ERAP1: variants seen among roughly 807,000 people sequenced by gnomAD.
ERAP1 encodes endoplasmic reticulum aminopeptidase 1.
In ERAP1, 86 loss-of-function variants were observed where a neutral mutation model predicts 103.7. That is an observed-to-expected ratio of 0.83 (90% CI 0.70 to 0.99). The LOEUF (loss-of-function observed/expected upper bound fraction) is 0.99, where lower values mean the gene tolerates loss of function less well. Ranked by LOEUF, ERAP1 falls within the 50% of genes least tolerant of loss-of-function variation. The pLI is 0.00. For missense variants in ERAP1, 1,009 were observed against 1,128.4 expected, an observed-to-expected ratio of 0.89 and a Z score of 1.52; for synonymous variants, 398 against 402.4, an observed-to-expected ratio of 0.99 and a Z score of 0.13.
In ERAP1 at chr5:96,803,382, GAA is replaced by G. The variant is rs779721226; in HGVS notation, c.524+19_524+20del. ...CGTGGGCAGCACTTGCAGTTTAAAA[GAA>G]AAAGAGAAAAAAAAATACCTCAGTT... On this transcript the variant is annotated intron_variant, in intron 2 of 18. Transcript: ENST00000443439. 11 of 1,609,694 alleles carry G rather than the reference GAA, an allele frequency of 6.8e-6. No individual in the cohort carries two copies. The African/African-American group carries it at 1.3e-4, about 20-fold the overall frequency.
the ERAP1 span, among the ~76,000 whole-genome samples, chr5:96,829,784 A>G: frequency 2.0e-5 from 3 of 152,230 alleles, no homozygotes; most frequent in African/African-American, 7.2e-5. Context: ...GGCAAAGGGT[A>G]CAAAAGGATA....
the ERAP1 span, among the ~76,000 whole-genome samples, chr5:96,933,376 G>A: frequency 1.3e-5 from 2 of 151,986 alleles, no homozygotes; most frequent in Non-Finnish European, 2.9e-5. Context: ...GGGATTACAG[G>A]TGTGTGCCAC....
At chr5:96,928,122 CA>C in the ERAP1 span, among the ~76,000 whole-genome samples, 5 of 152,272 alleles carry the variant, frequency 3.3e-5, no homozygotes, top group African/African-American at 1.2e-4. Context: ...CTTCTGGCCT[CA>C]AGTGATCCGC....
At chr5:96,934,945 A>G in the ERAP1 span, 38 of 152,418 alleles carry the variant, frequency 2.5e-4, no homozygotes, top group Non-Finnish European at 5.0e-4. Context: ...CCGAGAGGAT[A>G]AGGAAGCGGT....
chr5:96,878,810 C>A, the ERAP1 span, among the ~76,000 whole-genome samples: 2 of 152,202 alleles, frequency 1.3e-5, no homozygotes, highest in African/African-American at 4.8e-5. Flanking sequence ...TACCTGTAAT[C>A]CCAGCTACTC....
intron 13 of ERAP1, chr5:96,785,240 A>G (rs1372267338): frequency 6.2e-6 from 1 of 162,058 alleles, no homozygotes; most frequent in African/African-American, 2.4e-5. Flanking sequence ...TCACACACTC[A>G]GAGATCATTT....
At chr5:96,873,278 A>C in the ERAP1 span, 1 of 453,378 alleles carries the variant, frequency 2.2e-6, no homozygotes. Flanking sequence ...TAACTCATTC[A>C]TTCTCACCTG....
At chr5:96,835,473 C>A in the ERAP1 span, among the ~76,000 whole-genome samples, 6 of 152,164 alleles carry the variant, frequency 3.9e-5, no homozygotes, top group African/African-American at 1.2e-4. Flanking sequence ...TGTCATATAT[C>A]TTTTTAAAAA....
At chr5:96,923,012 T>C in the ERAP1 span, among the ~76,000 whole-genome samples, 1 of 152,166 alleles carries the variant, frequency 6.6e-6, no homozygotes, top group Non-Finnish European at 1.5e-5. Flanking sequence ...AAGGTCTTGC[T>C]CTGTTGACCA....
At chr5:96,781,536 T>C (rs1775169359) in intron 16 of ERAP1, among the ~76,000 whole-genome samples, 157 bp downstream of exon 16, 1 of 152,220 alleles carries the variant, frequency 6.6e-6, no homozygotes, top group Non-Finnish European at 1.5e-5. Context: ...TGGTTCTCCC[T>C]AATTATTTGC....
chr5:96,925,204 C>T, the ERAP1 span, among the ~76,000 whole-genome samples: 19 of 152,378 alleles, frequency 1.2e-4, no homozygotes, highest in South Asian at 3.9e-3. Flanking sequence ...ACAATAGTAA[C>T]AGCAAATACA....
At chr5:96,846,035 G>T in the ERAP1 span, among the ~76,000 whole-genome samples, 2 of 152,124 alleles carry the variant, frequency 1.3e-5, no homozygotes, top group South Asian at 4.1e-4. Context: ...TAATAGAAGG[G>T]TCACCCACAG....
the ERAP1 span, among the ~76,000 whole-genome samples, chr5:96,885,859 T>G: frequency 6.6e-6 from 1 of 152,238 alleles, no homozygotes; most frequent in South Asian, 2.1e-4. Context: ...ATTCAGTCAT[T>G]ACCCAGTGAT....
downstream of ERAP1, chr5:96,774,297 TA>T (rs143723604): frequency 0.056 from 9,335 of 167,998 alleles, 340 homozygotes; most frequent in South Asian, 0.13. Flanking sequence ...TCCAGAAGTT[TA>T]AAGATGCCTA....
intron 8 of ERAP1, 127 bp from the exon 9 acceptor site, chr5:96,790,770 C>G: frequency 1.2e-6 from 1 of 849,904 alleles, no homozygotes; most frequent in South Asian, 1.6e-5. Context: ...TAATGTCTGG[C>G]AATTTGTGAA....
chr5:96,858,221 T>C, the ERAP1 span, among the ~76,000 whole-genome samples: 5 of 150,656 alleles, frequency 3.3e-5, no homozygotes, highest in East Asian at 5.8e-4. Flanking sequence ...CTTCTTCTTT[T>C]TTTTTTTTTT....
upstream of ERAP1, among the ~76,000 whole-genome samples, chr5:96,809,731 G>A (rs980205599): frequency 5.3e-5 from 8 of 152,164 alleles, no homozygotes; most frequent in Admixed American, 2.0e-4. Flanking sequence ...AATGGATAGC[G>A]TGTAGCCTCC....
chr5:96,844,239 C>T, the ERAP1 span, among the ~76,000 whole-genome samples: 1 of 152,132 alleles, frequency 6.6e-6, no homozygotes, highest in African/African-American at 2.4e-5. Context: ...ATTGGTTCTC[C>T]CCAGTTGCTA....
chr5:96,799,456 A>T (rs1188775823), intron 3 of ERAP1, among the ~76,000 whole-genome samples: 1 of 152,186 alleles, frequency 6.6e-6, no homozygotes, highest in Non-Finnish European at 1.5e-5. Context: ...CTCAAAAAAA[A>T]AAAAGAAGTT....
Sources: allele counts gnomAD v4.1 joint callset (sites outside exome capture counted in the v4.1 genomes callset), GRCh38; gene constraint gnomAD v4.1.1; transcripts MANE v1.5; gene names NCBI Gene and HGNC (gene_info 2026-07-23, HGNC 2026-07-21).